Variants in DDX46 observed in about 807,000 individuals in gnomAD.
DDX46 encodes the protein DEAD-box helicase 46, also known as probable ATP-dependent RNA helicase DDX46.
In DDX46, 30 loss-of-function variants were observed where a neutral mutation model predicts 134.9. The observed-to-expected ratio is 0.22, with a 90% CI of 0.17 to 0.30. The LOEUF is 0.30. Among genes scored for constraint, DDX46 ranks in the 10% least tolerant of loss-of-function variants. The probability of loss-of-function intolerance (pLI) is 1.00; values close to 1 mark genes in which losing one functional copy is unlikely to be tolerated. For synonymous variants in DDX46, 415 were observed against 404.1 expected (o/e 1.03, Z -0.32); for missense variants, 622 against 1,248.7 (o/e 0.50, Z 7.56).
chr5:134,769,326 G>GTTT (rs1561851828), intron 3 of DDX46, among the ~76,000 whole-genome samples: 1 of 135,318 alleles, frequency 7.4e-6, no homozygotes, highest in African/African-American at 2.9e-5. Flanking sequence ...ATATTTTCAA[G>GTTT]GTTTTTTTTT....
chr5:134,796,181 A>G, intron 15 of DDX46, 31 bp downstream of exon 15: 2 of 1,607,492 alleles, frequency 1.2e-6, no homozygotes, highest in Non-Finnish European at 1.7e-6. Flanking sequence ...CACATAAAAT[A>G]TCTATTAAGT....
At chr5:134,780,192 ATGTATG>A (rs945417836) in intron 6 of DDX46, among the ~76,000 whole-genome samples, 13 of 150,852 alleles carry the variant, frequency 8.6e-5, no homozygotes, top group South Asian at 2.1e-4. Flanking sequence ...GTATGTATAT[ATGTATG>A]TGTATGTGTA....
chr5:134,794,704 G>A, intron 13 of DDX46, 146 bp from the exon 14 acceptor site: 1 of 951,452 alleles, frequency 1.1e-6, no homozygotes, highest in Non-Finnish European at 1.5e-6. Context: ...CATGTGTGGA[G>A]TTGTCATTTC....
intron 21 of DDX46, chr5:134,826,683 C>T (rs1364852698): frequency 1.3e-5 from 4 of 310,254 alleles, no homozygotes; most frequent in Admixed American, 5.0e-5. Context: ...CTTTTTATTC[C>T]ACTCTTTTTA....
chr5:134,773,559 A>AG, intron 4 of DDX46, 137 bp from the exon 5 acceptor site: 1 of 822,942 alleles, frequency 1.2e-6, no homozygotes, highest in Non-Finnish European at 1.8e-6. Flanking sequence ...GTCTACCCTG[A>AG]GGGGTTTGTA....
intron 18 of DDX46, 49 bp downstream of exon 18, chr5:134,811,894 G>T (rs547626553): frequency 1.9e-6 from 3 of 1,578,386 alleles, no homozygotes; most frequent in Admixed American, 3.8e-5. Context: ...TATTTCTTTT[G>T]TACTGGAGGT....
Position 134,767,063 on chromosome 5 carries a change from A to G in DDX46, c.350+3A>G. 1 of 1,612,002 alleles carries G rather than the reference A, an allele frequency of 6.2e-7. No individual in the cohort carries two copies. Among genetic ancestry groups the G allele is most frequent in the South Asian group, 1.1e-5 (1 of 90,816 alleles). On this transcript the variant is annotated splice_donor_region_variant and intron_variant, in intron 3 of 22. Coordinates refer to ENST00000452510, the MANE Select transcript of DDX46 (RefSeq NM_001300860.2). The stretch of plus-strand genomic sequence containing the variant: ...AAAAGCAAGAAAACTGAGAATAGGT[A>G]ATGTTATCATTGGGCTGCATCTATA...
At chr5:134,766,473 T>C (rs1484394707) in intron 2 of DDX46, among the ~76,000 whole-genome samples, 1 of 151,716 alleles carries the variant, frequency 6.6e-6, no homozygotes, top group Non-Finnish European at 1.5e-5. Flanking sequence ...AGAATCGCTT[T>C]AACCCAGGAG....
intron 2 of DDX46, among the ~76,000 whole-genome samples, chr5:134,765,475 C>T (rs1753538852): frequency 6.6e-6 from 1 of 151,586 alleles, no homozygotes; most frequent in South Asian, 2.1e-4. Flanking sequence ...CTTGCTTGAA[C>T]CTGGGAGGTG....
chr5:134,768,096 G>A (rs1373979765), intron 3 of DDX46, among the ~76,000 whole-genome samples: 2 of 151,702 alleles, frequency 1.3e-5, no homozygotes, highest in Non-Finnish European at 2.9e-5. Context: ...AGGTGATGAT[G>A]TAATAAGTGA....
intron 4 of DDX46, among the ~76,000 whole-genome samples, chr5:134,772,260 G>A (rs1753796164): frequency 6.6e-6 from 1 of 151,852 alleles, no homozygotes; most frequent in Non-Finnish European, 1.5e-5. Context: ...ATGGTGGCTC[G>A]TGCCTGTAAT....
intron 12 of DDX46, 27 bp downstream of exon 12, chr5:134,788,618 CTT>C (rs745883833): frequency 3.0e-5 from 48 of 1,596,998 alleles, no homozygotes; most frequent in Non-Finnish European, 6.8e-6. Flanking sequence ...TTTTTGGTGT[CTT>C]TTATTTTTGA....
rs879550711 is a variant in DDX46 at position 134,795,204 on chromosome 5, G to GTTTTT, written c.1791+201_1791+205dup. Among the ~76,000 whole-genome samples, 620 of 125,582 alleles carry GTTTTT rather than the reference G, an allele frequency of 4.9e-3. 24 individuals carry two copies. Among genetic ancestry groups the GTTTTT allele is most frequent in the African/African-American group, 0.017 (567 of 33,002 alleles). The allele number at this position is 125,582 out of a possible 152,430, so 82.4% of individuals were successfully genotyped here. ...TTCCACGGAGCTATTTAAAATGCTTGTTTTTTTTTTTTTTTGTTTTTTTTT... is the reference window on the plus strand; with the variant it reads ...TTCCACGGAGCTATTTAAAATGCTTGTTTTTTTTTTTTTTTTTTTTGTTTTTTTTT... On this transcript the variant is annotated intron_variant, in intron 14 of 22. Coordinates refer to ENST00000452510, the MANE Select transcript of DDX46 (RefSeq NM_001300860.2).
chr5:134,798,964 T>C (rs1325830621), intron 15 of DDX46, among the ~76,000 whole-genome samples: 4 of 152,240 alleles, frequency 2.6e-5, no homozygotes, highest in South Asian at 4.1e-4. Context: ...AACAATACAT[T>C]ATAAAAACTA....
intron 11 of DDX46, among the ~76,000 whole-genome samples, chr5:134,785,847 GT>G (rs59596450): frequency 0.023 from 3,289 of 145,714 alleles, 44 homozygotes; most frequent in Admixed American, 0.039. Context: ...CTCACATCAT[GT>G]TTTTTTTTTT....
intron 18 of DDX46, among the ~76,000 whole-genome samples, chr5:134,815,296 A>T (rs916656791): frequency 2.6e-5 from 4 of 152,198 alleles, no homozygotes; most frequent in African/African-American, 9.6e-5. Flanking sequence ...TTTTCTGTGC[A>T]TTTGAGATCT....
intron 13 of DDX46, 32 bp downstream of exon 13, chr5:134,790,584 T>C: frequency 1.3e-6 from 2 of 1,564,198 alleles, no homozygotes; most frequent in Non-Finnish European, 1.7e-6. Flanking sequence ...TGTTTTGAAA[T>C]GTAAATATAA....
Position 134,790,491 on chromosome 5 carries a change from G to A in DDX46, c.1565G>A (p.Arg522Lys). Residue 522 changes from arginine to lysine, a missense_variant, in exon 13 of 23, where the codon AGA (arginine) becomes AAA (lysine). By Grantham distance (26) the Arg-to-Lys change is conservative. Transcript: ENST00000452510. Reference sequence around the variant, plus strand: ...TTAGGTCGGGTCACAAATCTTCGAAGAGTGACATATGTTGTTTTAGATGAA... The same window carrying A: ...TTAGGTCGGGTCACAAATCTTCGAAAAGTGACATATGTTGTTTTAGATGAA... ...ANSGRVTNLR[R>K]VTYVVLDEAD... The A allele has an allele frequency of 6.2e-7, 1 of 1,612,190 alleles. No individual in the cohort carries two copies. The highest frequency in any genetic ancestry group is 8.5e-7 in the Non-Finnish European group (1 of 1,179,542).
chr5:134,795,204 G>GTTTTTTTTTTT (rs879550711), intron 14 of DDX46, among the ~76,000 whole-genome samples, 190 bp downstream of exon 14: 8 of 125,740 alleles, frequency 6.4e-5, no homozygotes, highest in African/African-American at 2.4e-4. Context: ...TAAAATGCTT[G>GTTTTTTTTTTT]TTTTTTTTTT....
Sources: gnomAD v4.1 joint callset for allele counts (sites outside exome capture counted in the v4.1 genomes callset) on GRCh38, gnomAD v4.1.1 for gene constraint, MANE v1.5 for transcripts, NCBI Gene and HGNC (gene_info 2026-07-23, HGNC 2026-07-21) for gene names.